The following EML1 variants were observed in gnomAD, a reference collection of about 807,000 sequenced individuals.
EML1 encodes the protein echinoderm microtubule-associated protein-like 1.
A neutral mutation model predicts 110.4 loss-of-function variants in EML1; 27 were observed. That is an observed-to-expected ratio of 0.24 (90% CI 0.18 to 0.34). EML1 has a LOEUF of 0.34. Among genes scored for constraint, EML1 ranks in the 10% least tolerant of loss-of-function variants. The probability of loss-of-function intolerance (pLI) is 1.00; values close to 1 mark genes in which losing one functional copy is unlikely to be tolerated. For missense variants in EML1, 741 were observed against 1,030.9 expected (o/e 0.72, Z 3.85); for synonymous variants, 344 against 385.8 (o/e 0.89, Z 1.27).
At chr14:99,872,367 C>T (rs1313610502) in intron 3 of EML1, among the ~76,000 whole-genome samples, 1 of 152,132 alleles carries the variant, frequency 6.6e-6, no homozygotes, top group Non-Finnish European at 1.5e-5. Context: ...TAGTAGCCAT[C>T]GTGTTATATC....
intron 1 of EML1, among the ~76,000 whole-genome samples, chr14:99,765,857 G>A (rs117757296): frequency 0.026 from 3,970 of 152,164 alleles, 73 homozygotes; most frequent in East Asian, 0.061. Flanking sequence ...GCTTGTCTTG[G>A]CCTCCCAAAG....
rs2059953447 is a variant in EML1, at chr14:99,911,928, G to T, written c.1494+352G>T. Among the ~76,000 whole-genome samples the T allele has an allele frequency of 6.8e-5, 5 of 73,774 alleles. No individual in the cohort carries two copies. The South Asian group carries it at 1.2e-3, about 18-fold the overall frequency. 48.4% of individuals were successfully genotyped at this position (73,774 alleles called of 152,430 possible). A position where few individuals can be genotyped will look rare whatever the true frequency, so the allele number is the denominator to read the frequency against. ...TCTTTTTTTTTTTAGAGCAGGGTCT[G>T]GCTCTCACCCAGGCTGGAGTGCAGT... is the stretch of plus-strand genomic sequence containing the variant. On this transcript the variant is annotated intron_variant, in intron 13 of 21. Coordinates refer to ENST00000262233, the MANE Select transcript of EML1 (RefSeq NM_004434.3).
At chr14:99,823,369 T>C (rs2058297271) in intron 1 of EML1, among the ~76,000 whole-genome samples, 1 of 151,972 alleles carries the variant, frequency 6.6e-6, no homozygotes, top group South Asian at 2.1e-4. Flanking sequence ...GAACCAGGCA[T>C]TTCCAGTGGA....
chr14:99,870,513 T>G (rs1225634274), intron 3 of EML1, among the ~76,000 whole-genome samples: 1 of 152,214 alleles, frequency 6.6e-6, no homozygotes, highest in Non-Finnish European at 1.5e-5. Context: ...AGCGTTACAT[T>G]GGAGGAAGGT....
In EML1 at chr14:99,801,887, G is replaced by A. The variant is rs537499770; in HGVS notation, c.67+8344G>A. 5.9e-5 allele frequency among the ~76,000 whole-genome samples: 9 copies of A among 152,278 alleles called. No homozygotes were observed. The South Asian group carries it at 1.5e-3, about 25-fold the overall frequency. ...GCGTCCATTATTACACTGTTTTAGG[G>A]GTTCCAGCGAAATGCGAGGATGACA... On this transcript the variant is annotated intron_variant, in intron 1 of 21. Transcript: ENST00000262233.
chr14:99,796,029 T>G (rs2057764293), intron 1 of EML1, among the ~76,000 whole-genome samples: 1 of 151,900 alleles, frequency 6.6e-6, no homozygotes, highest in Non-Finnish European at 1.5e-5. Flanking sequence ...TACAAAAAAT[T>G]TTTAAAAGTT....
chr14:99,820,386 G>A (rs1403527214), intron 1 of EML1, among the ~76,000 whole-genome samples: 4 of 152,174 alleles, frequency 2.6e-5, no homozygotes, highest in Non-Finnish European at 1.5e-5. Context: ...GCTTCTGTAC[G>A]TCTTGGACCT....
At chr14:99,893,234 A>C (rs944735090) in intron 5 of EML1, among the ~76,000 whole-genome samples, 3 of 143,262 alleles carry the variant, frequency 2.1e-5, no homozygotes, top group Non-Finnish European at 4.5e-5. Flanking sequence ...GAGCAGGTGA[A>C]GAAGTTTACA....
chr14:99,817,161 A>G (rs1412705422), intron 1 of EML1, among the ~76,000 whole-genome samples: 1 of 152,108 alleles, frequency 6.6e-6, no homozygotes. Context: ...TCCTGGAGTG[A>G]CGGGCTTACT....
intron 1 of EML1, among the ~76,000 whole-genome samples, chr14:99,766,217 CAG>C (rs1566855559): frequency 7.5e-6 from 1 of 132,892 alleles, no homozygotes; most frequent in South Asian, 2.4e-4. Flanking sequence ...TTTTTTGAGA[CAG>C]AGTCTCACTC....
At chr14:99,811,086 A>G (rs939309697) in intron 1 of EML1, among the ~76,000 whole-genome samples, 2 of 148,762 alleles carry the variant, frequency 1.3e-5, no homozygotes, top group African/African-American at 2.4e-5. Flanking sequence ...TGTTCACCTC[A>G]TACACGGTTG....
Position 99,928,218 on chromosome 14 carries a change from G to A in EML1, c.1909+7341G>A, listed in dbSNP as rs1033952066. The stretch of plus-strand genomic sequence containing the variant: ...GGTGGTGGTGGTGGTGATGGTGATG[G>A]TGGTGGTGGTGGTGGTGGTGGTGGT... On this transcript the variant is annotated intron_variant, in intron 17 of 21. Transcript: ENST00000262233. Among the ~76,000 whole-genome samples the A allele has an allele frequency of 2.4e-4, 13 of 53,840 alleles. 3 individuals carry two copies. In the South Asian group the frequency reaches 3.7e-3, roughly 16 times the overall value. The allele number at this position is 53,840 out of a possible 152,430, so 35.3% of individuals were successfully genotyped here. A position where few individuals can be genotyped will look rare whatever the true frequency, so the allele number is the denominator to read the frequency against.
At chr14:99,898,201 A>G in intron 7 of EML1, 32 bp from the exon 8 acceptor site, 2 of 1,556,790 alleles carry the variant, frequency 1.3e-6, no homozygotes, top group Non-Finnish European at 1.7e-6. Flanking sequence ...TACCTGCAAC[A>G]TGTAGATGTT....
At chr14:99,743,905 T>G (rs902466919) in intron 1 of EML1, among the ~76,000 whole-genome samples, 14 of 151,572 alleles carry the variant, frequency 9.2e-5, no homozygotes, top group Admixed American at 2.0e-4. Context: ...AACAAAAGCT[T>G]TAAAATAAAA....
chr14:99,754,788 T>C (rs994644538), intron 1 of EML1, among the ~76,000 whole-genome samples: 7 of 152,152 alleles, frequency 4.6e-5, no homozygotes, highest in Non-Finnish European at 8.8e-5. Flanking sequence ...ATGAGGACTA[T>C]GGAGCCCACG....
intron 1 of EML1, among the ~76,000 whole-genome samples, chr14:99,831,127 G>A (rs1424435465): frequency 3.3e-5 from 5 of 152,174 alleles, no homozygotes; most frequent in Non-Finnish European, 7.3e-5. Context: ...GAACTAGATT[G>A]TCAATTCACG....
intron 1 of EML1, among the ~76,000 whole-genome samples, chr14:99,811,630 C>G (rs1201850821): frequency 8.1e-6 from 1 of 122,874 alleles, no homozygotes; most frequent in Non-Finnish European, 1.7e-5. Flanking sequence ...CGATAAAACC[C>G]TGTCTCTACC....
Position 99,896,315 on chromosome 14 carries a change from T to A in EML1, c.678-830T>A, listed in dbSNP as rs536816957. Among the ~76,000 whole-genome samples, 16 of 152,114 alleles carry A rather than the reference T, an allele frequency of 1.1e-4. No individual in the cohort carries two copies. The East Asian group carries it at 2.9e-3, about 28-fold the overall frequency. On this transcript the variant is annotated intron_variant, in intron 6 of 21. Coordinates refer to ENST00000262233, the MANE Select transcript of EML1 (RefSeq NM_004434.3). ...ATTATGGAATCATATTCCTTAGAAA[T>A]TTTTTAAAATTACCACCTGTACCTA...
intron 1 of EML1, chr14:99,809,641 G>A (rs1364390146): frequency 2.2e-6 from 1 of 456,086 alleles, no homozygotes; most frequent in Non-Finnish European, 4.4e-6. Context: ...CGTCTTATCT[G>A]CGATTTCAAC....
Sources: gnomAD v4.1 joint callset for allele counts (sites outside exome capture counted in the v4.1 genomes callset) on GRCh38, gnomAD v4.1.1 for gene constraint, MANE v1.5 for transcripts, NCBI Gene and HGNC (gene_info 2026-07-23, HGNC 2026-07-21) for gene names.